Variants in SETD9 observed in about 807,000 individuals in gnomAD.
SETD9 encodes SET domain-containing protein 9.
A neutral mutation model predicts 36.4 loss-of-function variants in SETD9; 37 were observed. The ratio of observed to expected loss-of-function variants is 1.02; its 90% CI spans 0.78 to 1.34. The LOEUF is 1.34. Among genes scored for constraint, SETD9 ranks in the 40% most tolerant of loss-of-function variants. SETD9 has a pLI of 0.00. For missense variants in SETD9, 323 were observed against 353.2 expected (o/e 0.91, Z 0.69); for synonymous variants, 128 against 132.9 (o/e 0.96, Z 0.26).
At chr5:56,919,891 GA>G (rs1292798551), downstream of SETD9, 2 of 152,454 alleles carry the variant, frequency 1.3e-5, no homozygotes, top group Non-Finnish European at 2.9e-5. Context: ...TCCATTTAGT[GA>G]AAAAATTAGG....
chr5:56,916,978 G>A lies in SETD9; in HGVS notation c.*76G>A. The A allele has an allele frequency of 6.9e-7, 1 of 1,455,944 alleles. No individual in the cohort carries two copies. The highest frequency in any genetic ancestry group is 9.0e-7 in the Non-Finnish European group (1 of 1,108,062). The allele number at this position is 1,455,944 out of a possible 1,614,324, so 90.2% of individuals were successfully genotyped here. On this transcript the variant is annotated 3_prime_UTR_variant, in exon 6 of 6. Transcript: ENST00000285947. ...TGTTTTTTGTTAATCACTTCTCTGA[G>A]TTCTACCTGTAAAACAAATATTTTG...
rs1749294148 is a variant in SETD9, at chr5:56,913,958, T to C, written c.675T>C (p.Ala225=). 2 of 1,613,852 alleles carry C rather than the reference T, an allele frequency of 1.2e-6. No homozygotes were observed. The highest frequency in any genetic ancestry group is 4.5e-5 in the East Asian group (2 of 44,866). The change falls in exon 4 of 6, where the codon GCT becomes GCC. Residue 225 remains alanine (A), a synonymous_variant. Transcript: ENST00000285947. The part of the protein sequence containing the change: ...WLTSEIHNPL[A]VGQYVNNCSN... ...CGTCAGAAATTCATAACCCTCTGGC[T>C]GTGGGACAGTATGTCAACAATTGTT...
At chr5:56,926,488 A>G (rs1749987720), downstream of SETD9, among the ~76,000 whole-genome samples, 1 of 152,122 alleles carries the variant, frequency 6.6e-6, no homozygotes, top group South Asian at 2.1e-4. Context: ...ATAAGAAAAG[A>G]TGGTCAACAT....
downstream of SETD9, among the ~76,000 whole-genome samples, chr5:56,917,809 T>G (rs982062484): frequency 6.6e-6 from 1 of 152,214 alleles, no homozygotes; most frequent in Non-Finnish European, 1.5e-5. Context: ...ACCTTCCCGT[T>G]TTATTAGCAA....
chr5:56,923,139 G>A (rs151310954), intron 5 of SETD9: 1 of 1,613,724 alleles, frequency 6.2e-7, no homozygotes, highest in African/African-American at 1.3e-5. Flanking sequence ...CACTCAGAGT[G>A]TAGGGCCGCG....
At chr5:56,912,499 A>G (rs1392287418) in intron 2 of SETD9, among the ~76,000 whole-genome samples, 1 of 152,216 alleles carries the variant, frequency 6.6e-6, no homozygotes, top group African/African-American at 2.4e-5. Context: ...TAGAATAAAT[A>G]AATTAATACT....
At chr5:56,917,750 C>T (rs1262067347), downstream of SETD9, among the ~76,000 whole-genome samples, 1 of 152,194 alleles carries the variant, frequency 6.6e-6, no homozygotes, top group African/African-American at 2.4e-5. Context: ...CAGAGTGAGT[C>T]CAGAGGTGTA....
chr5:56,913,478 G>T (rs1243387693), intron 3 of SETD9, among the ~76,000 whole-genome samples: 1 of 151,764 alleles, frequency 6.6e-6, no homozygotes, highest in East Asian at 1.9e-4. Context: ...CTGCCTCCCG[G>T]GTTCAAGTGA....
rs1257437090 is a variant in SETD9 at position 56,909,857 on chromosome 5, G to A, written c.98+114G>A. On this transcript the variant is annotated intron_variant, in intron 1 of 5. Coordinates refer to ENST00000285947, the MANE Select transcript of SETD9 (RefSeq NM_153706.4). ...GGCTGACTGCCGGCCTGAGATGGGC[G>A]GGCCCGGGTGGGCAGGGACTGAGGT... 3.3e-6 allele frequency: 3 copies of A among 910,478 alleles called. No individual in the cohort carries two copies. In the Admixed American group the frequency reaches 8.5e-5, roughly 26 times the overall value. The allele number at this position is 910,478 out of a possible 1,614,324, so 56.4% of individuals were successfully genotyped here. A position where few individuals can be genotyped will look rare whatever the true frequency, so the allele number is the denominator to read the frequency against.
chr5:56,919,642 G>C (rs1478533838), downstream of SETD9: 1 of 152,502 alleles, frequency 6.6e-6, no homozygotes, highest in Non-Finnish European at 1.5e-5. Flanking sequence ...TGTACACCAG[G>C]TATTAAAGTA....
At chr5:56,923,872 A>G in intron 5 of SETD9, 1 of 1,614,050 alleles carries the variant, frequency 6.2e-7, no homozygotes, top group Non-Finnish European at 8.5e-7. Context: ...ACTATATATT[A>G]CAGTTAAAAG....
At chr5:56,920,348 T>C (rs896333624), downstream of SETD9, 7 of 152,556 alleles carry the variant, frequency 4.6e-5, no homozygotes, top group African/African-American at 1.4e-4. Flanking sequence ...ATGAATCCAC[T>C]GTCCTTTTCA....
At chr5:56,924,053 A>C in intron 5 of SETD9, 2 of 1,587,602 alleles carry the variant, frequency 1.3e-6, no homozygotes, top group Admixed American at 1.9e-5. Context: ...CTAATGAAAA[A>C]GTTGAATTTT....
intron 5 of SETD9, among the ~76,000 whole-genome samples, chr5:56,924,446 C>A (rs1290744835): frequency 6.6e-6 from 1 of 152,062 alleles, no homozygotes; most frequent in Non-Finnish European, 1.5e-5. Context: ...AAATGGATTT[C>A]ATTGAGATCT....
chr5:56,921,663 A>G (rs192390936), downstream of SETD9: 1 of 152,750 alleles, frequency 6.5e-6, no homozygotes, highest in East Asian at 1.9e-4. Context: ...CATCCTATCT[A>G]CTCATCAGCA....
intron 2 of SETD9, among the ~76,000 whole-genome samples, chr5:56,912,715 A>G (rs1749205028): frequency 1.3e-5 from 2 of 152,120 alleles, no homozygotes; most frequent in African/African-American, 4.8e-5. Context: ...ACTTAAATAT[A>G]TATGTGTGTG....
chr5:56,912,174 A>G, intron 2 of SETD9: 1 of 985,108 alleles, frequency 1.0e-6, no homozygotes, highest in Non-Finnish European at 1.2e-6. Context: ...AAAAAAAAAA[A>G]GCGTACGGAT....
Position 56,917,014 on chromosome 5 carries a change from G to T in SETD9, c.*112G>T. On this transcript the variant is annotated 3_prime_UTR_variant, in exon 6 of 6. Transcript: ENST00000285947. ...AAAACAAATATTTTGAGACTTAATT[G>T]GAATAGGAATTTCTTATGTTTTTGT... 7.4e-7 allele frequency: 1 copy of T among 1,357,582 alleles called. No individual in the cohort carries two copies. The highest frequency in any genetic ancestry group is 9.4e-7 in the Non-Finnish European group (1 of 1,058,412). 84.1% of individuals were successfully genotyped at this position (1,357,582 alleles called of 1,614,324 possible).
chr5:56,912,703 C>G (rs1054972073), intron 2 of SETD9, among the ~76,000 whole-genome samples: 1 of 151,956 alleles, frequency 6.6e-6, no homozygotes, highest in African/African-American at 2.4e-5. Context: ...AAATCACATT[C>G]TACTTAAATA....
Sources: gnomAD v4.1 joint callset for allele counts (sites outside exome capture counted in the v4.1 genomes callset) on GRCh38, gnomAD v4.1.1 for gene constraint, MANE v1.5 for transcripts, NCBI Gene and HGNC (gene_info 2026-07-23, HGNC 2026-07-21) for gene names.